The following PCSK6 variants were observed in gnomAD, a reference collection of about 807,000 sequenced individuals.
The protein encoded by PCSK6 is proprotein convertase subtilisin/kexin type 6.
In PCSK6, 85 loss-of-function variants were observed where a neutral mutation model predicts 123.3. The ratio of observed to expected loss-of-function variants is 0.69; its 90% CI spans 0.58 to 0.83. The LOEUF (loss-of-function observed/expected upper bound fraction) is 0.83, where lower values mean the gene tolerates loss of function less well. PCSK6 is among the 40% of genes least tolerant of loss of function. The pLI is 0.00. For synonymous variants in PCSK6, 508 were observed against 516.0 expected (o/e 0.98, Z 0.21); for missense variants, 1,191 against 1,282.3 (o/e 0.93, Z 1.09).
intron 6 of PCSK6, among the ~76,000 whole-genome samples, chr15:101,408,129 A>C (rs1339527170): frequency 6.6e-6 from 1 of 152,194 alleles, no homozygotes; most frequent in Non-Finnish European, 1.5e-5. Flanking sequence ...AGCCAGATGG[A>C]GCACCCGTAC....
At chr15:101,345,402 A>T (rs960231561) in intron 13 of PCSK6, among the ~76,000 whole-genome samples, 1 of 152,262 alleles carries the variant, frequency 6.6e-6, no homozygotes, top group Non-Finnish European at 1.5e-5. Flanking sequence ...TTAGACTGAA[A>T]AAAAGGCAAA....
intron 12 of PCSK6, 85 bp downstream of exon 12, chr15:101,370,250 T>C (rs955605311): frequency 6.8e-6 from 8 of 1,179,598 alleles, no homozygotes; most frequent in Middle Eastern, 2.1e-4. Context: ...GCAGAGACAC[T>C]GTGGGCCCAA....
At position 101,466,565 on chromosome 15, in the gene PCSK6, T is replaced by C. The variant is rs148155678; in HGVS notation, c.297+22809A>G. On this transcript the variant is annotated intron_variant, in intron 1 of 21. Transcript: ENST00000611716. ...CACGTGAATATCCACAGCAGCGTTA[T>C]TCACAACAGCAAAAAACCTGGGAAC... Among the ~76,000 whole-genome samples, 91 of 152,296 alleles carry C rather than the reference T, an allele frequency of 6.0e-4. 1 individual carries two copies. The East Asian group carries it at 0.017, about 28-fold the overall frequency.
chr15:101,331,206 G>A (rs1227691126), intron 15 of PCSK6, among the ~76,000 whole-genome samples: 2 of 152,240 alleles, frequency 1.3e-5, no homozygotes, highest in Non-Finnish European at 2.9e-5. Context: ...CCCCAAACCA[G>A]GGCCCACCTT....
intron 6 of PCSK6, among the ~76,000 whole-genome samples, chr15:101,406,302 G>A (rs954731770): frequency 2.0e-5 from 3 of 152,132 alleles, no homozygotes; most frequent in Non-Finnish European, 4.4e-5. Context: ...GGCAGGGAGC[G>A]GGACACGCTG....
chr15:101,305,898 G>A lies in PCSK6; in HGVS notation c.2813-543C>T, dbSNP rs2141325983. Among the ~76,000 whole-genome samples the A allele has an allele frequency of 6.6e-6, 1 of 152,232 alleles. No individual in the cohort carries two copies. Among genetic ancestry groups the A allele is most frequent in the Non-Finnish European group, 1.5e-5 (1 of 68,004 alleles). ...TGGCGGGAGGGCACTGGTATATGGG[G>A]CTCTTGCTGAGTCTCAGTGACAAGG... On this transcript the variant is annotated intron_variant, in intron 21 of 21. Transcript: ENST00000611716. This position sits in a 1 kb window ranked among gnomAD's most constrained non-coding sequence, Gnocchi z 4.8.
rs748966937 is a variant in PCSK6 at position 101,305,525 on chromosome 15, T to C, written c.2813-170A>G. 55 of 571,518 alleles carry C rather than the reference T, an allele frequency of 9.6e-5. No homozygotes were observed. Among genetic ancestry groups the C allele is most frequent in the Non-Finnish European group, 1.5e-4 (46 of 314,528 alleles). 35.4% of individuals were successfully genotyped at this position (571,518 alleles called of 1,614,324 possible). On this transcript the variant is annotated intron_variant, in intron 21 of 21. Coordinates refer to ENST00000611716, the MANE Select transcript of PCSK6 (RefSeq NM_002570.5). This position sits in a 1 kb window ranked among gnomAD's most constrained non-coding sequence, Gnocchi z 4.8. The stretch of plus-strand genomic sequence containing the variant: ...GAGCTTGAGACCAGTCTAACCAACA[T>C]GGTGAAACCCCGTCTCTACTAATAA...
chr15:101,460,637 C>T (rs540991680), intron 1 of PCSK6, among the ~76,000 whole-genome samples: 3 of 152,272 alleles, frequency 2.0e-5, no homozygotes, highest in Admixed American at 2.0e-4. Context: ...AGACTGAGCC[C>T]AGTACCAGGA....
At chr15:101,479,247 G>T (rs2057808488) in intron 1 of PCSK6, among the ~76,000 whole-genome samples, 1 of 152,208 alleles carries the variant, frequency 6.6e-6, no homozygotes. Flanking sequence ...CACAAGGAAG[G>T]GGCCCCCAGG....
intron 1 of PCSK6, among the ~76,000 whole-genome samples, chr15:101,487,978 G>A (rs2058058519): frequency 6.6e-6 from 1 of 152,034 alleles, no homozygotes; most frequent in South Asian, 2.1e-4. Flanking sequence ...TATTTAAAAG[G>A]TCTCCAAAGA....
rs73483187 is a variant in PCSK6 at position 101,464,720 on chromosome 15, G to A, written c.298-21060C>T. ...GCGTGACACCCTGTTAAGCCACCTGGCCTATACTCCCTGGGGAGGCCTGGA... is the reference window on the plus strand; with the variant it reads ...GCGTGACACCCTGTTAAGCCACCTGACCTATACTCCCTGGGGAGGCCTGGA... On this transcript the variant is annotated intron_variant, in intron 1 of 21. Transcript: ENST00000611716. Among the ~76,000 whole-genome samples, 1,029 of 152,254 alleles carry A rather than the reference G, an allele frequency of 6.8e-3. 9 individuals carry two copies. Among genetic ancestry groups the A allele is most frequent in the East Asian group, 0.021 (107 of 5,174 alleles).
intron 2 of PCSK6, among the ~76,000 whole-genome samples, chr15:101,443,054 A>G (rs2056796654): frequency 6.6e-6 from 1 of 152,240 alleles, no homozygotes; most frequent in Admixed American, 6.5e-5. Flanking sequence ...TGCAGAAAGG[A>G]AGTATAATTA....
At chr15:101,388,951 A>T (rs2042149083) in intron 9 of PCSK6, among the ~76,000 whole-genome samples, 1 of 152,204 alleles carries the variant, frequency 6.6e-6, no homozygotes, top group African/African-American at 2.4e-5. Context: ...AAATGTATTC[A>T]TCGAAGTCTT....
At chr15:101,425,177 C>G (rs559842533) in intron 6 of PCSK6, among the ~76,000 whole-genome samples, 1 of 152,126 alleles carries the variant, frequency 6.6e-6, no homozygotes, top group Non-Finnish European at 1.5e-5. Flanking sequence ...CTGGGGTGAG[C>G]AGGCCACATA....
chr15:101,307,390 C>G, intron 20 of PCSK6, 65 bp from the exon 21 acceptor site: 1 of 1,204,196 alleles, frequency 8.3e-7, no homozygotes, highest in Non-Finnish European at 1.2e-6. Context: ...GGCTCCCTTC[C>G]CAGAACCCTC....
intron 19 of PCSK6, among the ~76,000 whole-genome samples, chr15:101,314,837 C>T (rs1045418167): frequency 6.6e-6 from 1 of 152,180 alleles, no homozygotes; most frequent in Non-Finnish European, 1.5e-5. Context: ...AGAGCTGTGC[C>T]CCGGGGGCGG....
chr15:101,304,702 C>A lies in PCSK6; in HGVS notation c.*556G>T, dbSNP rs140901200. 2 of 152,552 alleles carry A rather than the reference C, an allele frequency of 1.3e-5. No individual in the cohort carries two copies. The highest frequency in any genetic ancestry group is 4.8e-5 in the African/African-American group (2 of 41,438). The allele number at this position is 152,552 out of a possible 1,614,324, so 9.4% of individuals were successfully genotyped here. On this transcript the variant is annotated 3_prime_UTR_variant, in exon 22 of 22. Coordinates refer to ENST00000611716, the MANE Select transcript of PCSK6 (RefSeq NM_002570.5). ...GCTGACTATGTAGAAATAGATACTCCGGCCCCAGTGGTCATACATTTTATG... is the reference window on the plus strand; with the variant it reads ...GCTGACTATGTAGAAATAGATACTCAGGCCCCAGTGGTCATACATTTTATG...
rs2040467829 is a variant in PCSK6 at position 101,335,973 on chromosome 15, C to T, written c.1859-3942G>A. ...TGATAAGTGTTTGTGTACCTAAACACACCTAAACATAAAAAGGGTACAGTC... is the reference window on the plus strand; with the variant it reads ...TGATAAGTGTTTGTGTACCTAAACATACCTAAACATAAAAAGGGTACAGTC... On this transcript the variant is annotated intron_variant, in intron 13 of 21. Transcript: ENST00000611716. Among the ~76,000 whole-genome samples, 6 of 152,330 alleles carry T rather than the reference C, an allele frequency of 3.9e-5. No individual in the cohort carries two copies. In the South Asian group the frequency reaches 1.2e-3, roughly 32 times the overall value.
intron 1 of PCSK6, among the ~76,000 whole-genome samples, chr15:101,466,950 G>A (rs2057476246): frequency 6.6e-6 from 1 of 152,122 alleles, no homozygotes; most frequent in East Asian, 1.9e-4. Flanking sequence ...ACAACTCTCT[G>A]AATGTACCAA....
Sources: gnomAD v4.1 joint callset for allele counts (sites outside exome capture counted in the v4.1 genomes callset) on GRCh38, gnomAD v4.1.1 for gene constraint, Gnocchi (gnomAD v3.1) non-coding constraint, MANE v1.5 for transcripts, NCBI Gene and HGNC (gene_info 2026-07-23, HGNC 2026-07-21) for gene names.